Variants in KRTCAP2 observed in about 807,000 individuals in gnomAD.
The protein encoded by KRTCAP2 is keratinocyte associated protein 2.
KRTCAP2 carries 10 observed loss-of-function variants against 16.5 expected under a neutral mutation model. The observed-to-expected ratio is 0.60, with a 90% CI of 0.37 to 1.02. The LOEUF is 1.02. Ranked by LOEUF, KRTCAP2 falls within the 50% of genes least tolerant of loss-of-function variation. The pLI is 0.01. For missense variants in KRTCAP2, 152 were observed against 159.6 expected, an observed-to-expected ratio of 0.95 and a Z score of 0.26; for synonymous variants, 68 against 69.8, an observed-to-expected ratio of 0.97 and a Z score of 0.13.
At chr1:155,170,784 C>T (rs1317936164) in intron 3 of KRTCAP2, 1 of 152,216 alleles carries the variant, frequency 6.6e-6, no homozygotes, top group Non-Finnish European at 1.5e-5. Flanking sequence ...TTTGCCCCAC[C>T]ACAATGGCAT....
In KRTCAP2 at chr1:155,169,493, C is replaced by T. The variant is rs1349849892; in HGVS notation, c.358G>A (p.Ala120Thr). The T allele has an allele frequency of 6.2e-6, 10 of 1,614,002 alleles. No individual in the cohort carries two copies. The highest frequency in any genetic ancestry group is 8.5e-6 in the Non-Finnish European group (10 of 1,179,962). Residue 120 changes from alanine (A) to threonine (T), a missense_variant, in exon 5 of 5, where the codon GCT becomes ACT. Physicochemically the swap from Ala to Thr is moderately conservative, Grantham distance 58. Coordinates refer to ENST00000295682, the MANE Select transcript of KRTCAP2 (RefSeq NM_173852.4). ...KISSTLYQAAAPVLTPAKVTG... is the reference protein window; with the variant it reads ...KISSTLYQAATPVLTPAKVTG... ...ACCTTGGCTGGTGTGAGGACTGGAG[C>T]TGCTGCCTGGTACAGGGTGGAGGAG...
chr1:155,171,707 CAG>C (rs1311212872), intron 3 of KRTCAP2: 1 of 578,562 alleles, frequency 1.7e-6, no homozygotes, highest in Non-Finnish European at 2.2e-6. Context: ...AAACTTAAAA[CAG>C]TAGCTGGGTG....
chr1:155,173,003 C>G (rs1665320846), intron 1 of KRTCAP2, 111 bp from the exon 2 acceptor site: 3 of 1,189,032 alleles, frequency 2.5e-6, no homozygotes, highest in Non-Finnish European at 3.6e-6. Flanking sequence ...TCCAAGAACT[C>G]CCGGGACTGC....
At chr1:155,171,471 C>T (rs530729252) in intron 3 of KRTCAP2, 2 of 979,112 alleles carry the variant, frequency 2.0e-6, no homozygotes, top group South Asian at 9.5e-5. Flanking sequence ...GAAACAAAAC[C>T]TAACAGAGAG....
chr1:155,169,597 G>T (rs762469280), intron 4 of KRTCAP2, 37 bp from the exon 5 acceptor site: 1 of 1,606,722 alleles, frequency 6.2e-7, no homozygotes, highest in Non-Finnish European at 8.5e-7. Flanking sequence ...GGCACCAGTG[G>T]GCATCTGCCA....
In KRTCAP2 at chr1:155,169,844, G is replaced by A; in HGVS notation, c.237C>T (p.Leu79=). 1 of 1,590,744 alleles carries A rather than the reference G, an allele frequency of 6.3e-7. No homozygotes were observed. The highest frequency in any genetic ancestry group is 8.6e-7 in the Non-Finnish European group (1 of 1,167,648). Residue 79 remains leucine, a synonymous_variant, in exon 4 of 5, where the codon CTC becomes CTT. Transcript: ENST00000295682. ...GGCCAGATGCAAAGAGAGCCAACAGGAGGCACAGGAGAACTAGGGAGGCAA... is the reference window on the plus strand; with the variant it reads ...GGCCAGATGCAAAGAGAGCCAACAGAAGGCACAGGAGAACTAGGGAGGCAA... ...AKIFPEILLC[L]LLALFASGLI...
intron 4 of KRTCAP2, 52 bp downstream of exon 4, chr1:155,169,739 C>A: frequency 6.8e-7 from 1 of 1,480,496 alleles, no homozygotes; most frequent in South Asian, 1.2e-5. Flanking sequence ...CAGTAAGATC[C>A]AATGCCAAAA....
intron 3 of KRTCAP2, 75 bp downstream of exon 3, chr1:155,172,490 C>T: frequency 6.2e-7 from 1 of 1,612,376 alleles, no homozygotes; most frequent in East Asian, 2.2e-5. Flanking sequence ...ACCTAAGCAT[C>T]TGGAAATTCA....
Position 155,172,801 on chromosome 1 carries a change from G to A in KRTCAP2, c.96C>T (p.Ser32=). 6.2e-7 allele frequency: 1 copy of A among 1,614,258 alleles called. No individual in the cohort carries two copies. Among genetic ancestry groups the A allele is most frequent in the Non-Finnish European group, 8.5e-7 (1 of 1,180,050 alleles). The change falls in exon 2 of 5, where the codon TCC becomes TCT. Residue 32 remains serine, a synonymous_variant. Transcript: ENST00000295682. ...CGCCCTGGATGGTGAGCCACTCGGTGGAGGCCAGCTGACGGCTGTACATCT... is the reference window on the plus strand; with the variant it reads ...CGCCCTGGATGGTGAGCCACTCGGTAGAGGCCAGCTGACGGCTGTACATCT... ...GMQMYSRQLA[S]TEWLTIQGGL... is the part of the protein sequence containing the mutation.
In KRTCAP2 at chr1:155,172,785, T is replaced by C. The variant is rs1400852446; in HGVS notation, c.112A>G (p.Ile38Val). The stretch of plus-strand genomic sequence containing the variant: ...CCCGAACCAAGCAGGCCGCCCTGGA[T>C]GGTGAGCCACTCGGTGGAGGCCAGC... ...RQLASTEWLT[I>V]QGGLLGSGLF... is the part of the protein sequence containing the mutation. Residue 38 changes from isoleucine (I) to valine (V), a missense_variant, in exon 2 of 5, where the codon ATC becomes GTC. Transcript: ENST00000295682. 5 of 1,614,096 alleles carry C rather than the reference T, an allele frequency of 3.1e-6. No individual in the cohort carries two copies. Among genetic ancestry groups the C allele is most frequent in the Non-Finnish European group, 4.2e-6 (5 of 1,180,010 alleles).
chr1:155,172,257 G>A, intron 3 of KRTCAP2: 1 of 1,235,764 alleles, frequency 8.1e-7, no homozygotes. Flanking sequence ...CTTCTGGTGG[G>A]AACAAGGACC....
At chr1:155,171,725 G>T in intron 3 of KRTCAP2, 2 of 507,014 alleles carry the variant, frequency 3.9e-6, no homozygotes, top group Non-Finnish European at 5.1e-6. Context: ...GGGTGTGGTG[G>T]CACTCACTGG....
chr1:155,172,439 C>G, intron 3 of KRTCAP2, 126 bp downstream of exon 3: 3 of 1,548,234 alleles, frequency 1.9e-6, no homozygotes, highest in Non-Finnish European at 2.6e-6. Context: ...CATCTGTCTT[C>G]AGACAGCTTC....
intron 3 of KRTCAP2, chr1:155,171,890 C>CATG (rs1341704199): frequency 2.8e-5 from 27 of 976,322 alleles, no homozygotes; most frequent in Non-Finnish European, 3.0e-5. Flanking sequence ...TAAGGGCAAC[C>CATG]ATGATAGATC....
rs1557804870 is a variant in KRTCAP2 at position 155,172,928 on chromosome 1, T to C, written c.5-36A>G. The C allele has an allele frequency of 3.1e-6, 5 of 1,607,282 alleles. No homozygotes were observed. In the East Asian group the frequency reaches 1.1e-4, roughly 36 times the overall value. On this transcript the variant is annotated intron_variant, in intron 1 of 4. Coordinates refer to ENST00000295682, the MANE Select transcript of KRTCAP2 (RefSeq NM_173852.4). ...TGGGAGAAGGGACGGAGAGTCAGGC[T>C]CCGCCCTCCCTCCGGCAAGCTACGG...
At chr1:155,170,340 C>CAAAAAAA (rs71077986) in intron 3 of KRTCAP2, 6 of 74,248 alleles carry the variant, frequency 8.1e-5, no homozygotes, top group Admixed American at 1.6e-4. Flanking sequence ...ACCCCGTCTC[C>CAAAAAAA]AAAAAAAAAA....
At chr1:155,172,045 G>C in intron 3 of KRTCAP2, 1 of 990,466 alleles carries the variant, frequency 1.0e-6, no homozygotes, top group Non-Finnish European at 1.2e-6. Context: ...ATCAATTCTT[G>C]ATTACATGAG....
intron 1 of KRTCAP2, 122 bp downstream of exon 1, chr1:155,173,098 GA>G: frequency 9.7e-7 from 1 of 1,031,846 alleles, no homozygotes; most frequent in Non-Finnish European, 1.4e-6. Context: ...CCGTCCGGTG[GA>G]AATGCCCGCT....
intron 3 of KRTCAP2, chr1:155,171,920 G>C (rs1296970130): frequency 1.1e-5 from 11 of 985,450 alleles, no homozygotes; most frequent in Non-Finnish European, 1.3e-5. Flanking sequence ...CCACATGAGG[G>C]TTTTACATGA....
Sources: allele counts gnomAD v4.1 joint callset, GRCh38; gene constraint gnomAD v4.1.1; transcripts MANE v1.5; gene names NCBI Gene and HGNC (gene_info 2026-07-23, HGNC 2026-07-21).